FCGR3A: variants seen among roughly 807,000 people sequenced by gnomAD.
FCGR3A encodes the protein low affinity immunoglobulin gamma Fc region receptor III-A.
A neutral mutation model predicts 24.1 loss-of-function variants in FCGR3A; 13 were observed. The ratio of observed to expected loss-of-function variants is 0.54; its 90% CI spans 0.35 to 0.86. FCGR3A has a LOEUF of 0.86. FCGR3A is among the 40% of genes least tolerant of loss of function. FCGR3A has a pLI of 0.01. For missense variants in FCGR3A, 235 were observed against 298.0 expected (o/e 0.79, Z 1.56); for synonymous variants, 93 against 112.2 (o/e 0.83, Z 1.08).
In FCGR3A at chr1:161,542,690, T is replaced by C; in HGVS notation, c.*322A>G. ...TAATTTATAACACGAGCAATTTTTG[T>C]ATGTTTAAAGGATTACCATCCCTAG... On this transcript the variant is annotated 3_prime_UTR_variant, in exon 5 of 5. Coordinates refer to ENST00000443193, the MANE Select transcript of FCGR3A (RefSeq NM_000569.8). The C allele has an allele frequency of 5.0e-6, 1 of 200,210 alleles. No individual in the cohort carries two copies. 12.4% of individuals were successfully genotyped at this position (200,210 alleles called of 1,614,324 possible). A position where few individuals can be genotyped will look rare whatever the true frequency, so the allele number is the denominator to read the frequency against.
rs772471139 is a variant in FCGR3A, at chr1:161,544,951, C to G, written c.327G>C (p.Leu109=). The G allele has an allele frequency of 5.6e-6, 9 of 1,606,094 alleles. No individual in the cohort carries two copies. Among genetic ancestry groups the G allele is most frequent in the East Asian group, 2.2e-5 (1 of 44,874 alleles). ...PVQLEVHIGW[L]LLQAPRWVFK... The stretch of plus-strand genomic sequence containing the variant: ...ACACCCACCGAGGGGCCTGGAGCAA[C>G]AGCCAGCCTGAAAGACACAGACACC... Residue 109 remains leucine, a synonymous_variant, in exon 4 of 5, where the codon CTG becomes CTC. Coordinates refer to ENST00000443193, the MANE Select transcript of FCGR3A (RefSeq NM_000569.8).
intron 3 of FCGR3A, among the ~76,000 whole-genome samples, chr1:161,546,080 A>T (rs1677380906): frequency 1.3e-5 from 2 of 152,104 alleles, no homozygotes; most frequent in South Asian, 4.2e-4. Flanking sequence ...CTACATTCTC[A>T]GCTTGAATTA....
chr1:161,546,353 A>G (rs1677395703), intron 3 of FCGR3A, among the ~76,000 whole-genome samples: 1 of 152,070 alleles, frequency 6.6e-6, no homozygotes. Context: ...CTATCCTGTC[A>G]TGGACCCAGT....
chr1:161,543,762 G>A (rs1488439864), intron 4 of FCGR3A, among the ~76,000 whole-genome samples: 1 of 152,268 alleles, frequency 6.6e-6, no homozygotes. Context: ...TTATGGCATT[G>A]TAGTGTCAAA....
At chr1:161,546,597 T>C (rs896341957) in intron 3 of FCGR3A, among the ~76,000 whole-genome samples, 5 of 151,928 alleles carry the variant, frequency 3.3e-5, no homozygotes, top group African/African-American at 1.2e-4. Flanking sequence ...AATAAAGAAA[T>C]TCTGCCTGAA....
At chr1:161,546,483 A>G (rs1463233909) in intron 3 of FCGR3A, among the ~76,000 whole-genome samples, 1 of 152,106 alleles carries the variant, frequency 6.6e-6, no homozygotes, top group Non-Finnish European at 1.5e-5. Context: ...CAAAGAATCT[A>G]CAGTCTAGAC....
chr1:161,546,931 A>G (rs1430516051), intron 3 of FCGR3A, among the ~76,000 whole-genome samples: 2 of 151,836 alleles, frequency 1.3e-5, no homozygotes, highest in African/African-American at 4.8e-5. Context: ...ACAAACACAA[A>G]CAAACAAACA....
rs1164002416 is a variant in FCGR3A at position 161,542,311 on chromosome 1, C to G, written c.*701G>C. 6.6e-6 allele frequency: 1 copy of G among 151,506 alleles called. No individual in the cohort carries two copies. The highest frequency in any genetic ancestry group is 2.1e-4 in the South Asian group (1 of 4,756). The allele number at this position is 151,506 out of a possible 1,614,324, so 9.4% of individuals were successfully genotyped here. On this transcript the variant is annotated 3_prime_UTR_variant, in exon 5 of 5. Coordinates refer to ENST00000443193, the MANE Select transcript of FCGR3A (RefSeq NM_000569.8). ...CCCACCGCAATCCTCAGTCCCCTTCCTAGGACCATTTTCTACTCCTAGCAT... is the reference window on the plus strand; with the variant it reads ...CCCACCGCAATCCTCAGTCCCCTTCGTAGGACCATTTTCTACTCCTAGCAT...
rs532772552 is a variant in FCGR3A at position 161,543,303 on chromosome 1, A to G, written c.578-104T>C. Reference sequence around the variant, plus strand: ...TAGAAAGTCTTTGACAACAGCCAACAGGCAAGTGGTAGGAATGGTGGGGAA... The same window carrying G: ...TAGAAAGTCTTTGACAACAGCCAACGGGCAAGTGGTAGGAATGGTGGGGAA... On this transcript the variant is annotated intron_variant, in intron 4 of 4. Coordinates refer to ENST00000443193, the MANE Select transcript of FCGR3A (RefSeq NM_000569.8). The G allele has an allele frequency of 1.4e-4, 188 of 1,351,506 alleles. 2 individuals carry two copies. The African/African-American group carries it at 2.4e-3, about 17-fold the overall frequency. The allele number at this position is 1,351,506 out of a possible 1,614,324, so 83.7% of individuals were successfully genotyped here. A position where few individuals can be genotyped will look rare whatever the true frequency, so the allele number is the denominator to read the frequency against.
intron 4 of FCGR3A, among the ~76,000 whole-genome samples, chr1:161,543,863 G>C (rs561360598): frequency 7.8e-4 from 119 of 152,326 alleles, no homozygotes; most frequent in Admixed American, 7.8e-3. Context: ...TGTGAAACTG[G>C]AAAGTCCAGG....
chr1:161,550,261 T>C (rs763347394), upstream of FCGR3A, among the ~76,000 whole-genome samples: 70 of 152,126 alleles, frequency 4.6e-4, no homozygotes, highest in Non-Finnish European at 7.8e-4. Context: ...TCCTTTCAAA[T>C]CTTCAGACCA....
chr1:161,544,973 C>A lies in FCGR3A; in HGVS notation c.320-15G>T. 1 of 1,563,364 alleles carries A rather than the reference C, an allele frequency of 6.4e-7. No individual in the cohort carries two copies. Among genetic ancestry groups the A allele is most frequent in the Non-Finnish European group, 8.8e-7 (1 of 1,141,422 alleles). ...CAACAGCCAGCCTGAAAGACACAGA[C>A]ACCCCAGGCCCGGGAGGCCTCAGCT... On this transcript the variant is annotated splice_polypyrimidine_tract_variant and intron_variant, in intron 3 of 4. Transcript: ENST00000443193.
chr1:161,543,764 A>G (rs59491245), intron 4 of FCGR3A, among the ~76,000 whole-genome samples: 4 of 152,408 alleles, frequency 2.6e-5, no homozygotes, highest in African/African-American at 7.2e-5. Context: ...ATGGCATTGT[A>G]GTGTCAAAAT....
intron 4 of FCGR3A, 62 bp from the exon 5 acceptor site, chr1:161,543,261 A>G (rs1677218113): frequency 6.4e-7 from 1 of 1,565,124 alleles, no homozygotes; most frequent in African/African-American, 1.4e-5. Context: ...ATTTGGAACA[A>G]ACAGTGAGGT....
chr1:161,550,610 G>C (rs1677719971), upstream of FCGR3A: 1 of 152,304 alleles, frequency 6.6e-6, no homozygotes, highest in African/African-American at 2.4e-5. Flanking sequence ...TGTCAGCCTA[G>C]GAGCCGGGGC....
At chr1:161,544,638 C>A (rs1223967576) in intron 4 of FCGR3A, 63 bp downstream of exon 4, 1 of 1,581,230 alleles carries the variant, frequency 6.3e-7, no homozygotes. Context: ...CTCAACTTCC[C>A]AGTGTGATTG....
rs779097774 is a variant in FCGR3A, at chr1:161,549,048, A to T, written c.41-17T>A. 1 of 1,581,468 alleles carries T rather than the reference A, an allele frequency of 6.3e-7. No homozygotes were observed. The stretch of plus-strand genomic sequence containing the variant: ...CAGCTGAAACTGCAAGAAAAAAGAT[A>T]AATCAAATATTGAGTAGGGGCAGAG... On this transcript the variant is annotated splice_polypyrimidine_tract_variant and intron_variant, in intron 1 of 4. Transcript: ENST00000443193.
intron 3 of FCGR3A, among the ~76,000 whole-genome samples, chr1:161,547,963 G>T (rs563097305): frequency 4.6e-5 from 7 of 152,298 alleles, no homozygotes; most frequent in Non-Finnish European, 1.0e-4. Flanking sequence ...TCAGCTACTC[G>T]GGAGGCTGAG....
chr1:161,547,962 C>T (rs1402724334), intron 3 of FCGR3A, among the ~76,000 whole-genome samples: 1 of 152,276 alleles, frequency 6.6e-6, no homozygotes, highest in Non-Finnish European at 1.5e-5. Flanking sequence ...CTCAGCTACT[C>T]GGGAGGCTGA....
Sources: allele counts gnomAD v4.1 joint callset (sites outside exome capture counted in the v4.1 genomes callset), GRCh38; gene constraint gnomAD v4.1.1; transcripts MANE v1.5; gene names NCBI Gene and HGNC (gene_info 2026-07-23, HGNC 2026-07-21).